The following TRIM7 variants were observed in gnomAD, a reference collection of about 807,000 sequenced individuals.
TRIM7 encodes the protein tripartite motif containing 7.
Under a neutral mutation model 37.9 loss-of-function variants are expected in TRIM7, and 32 were observed. That is an observed-to-expected ratio of 0.84 (90% CI 0.64 to 1.13). TRIM7 has a LOEUF of 1.13. Among genes scored for constraint, TRIM7 ranks in the 50% most tolerant of loss-of-function variants. The probability of loss-of-function intolerance (pLI) is 0.00; values close to 1 mark genes in which losing one functional copy is unlikely to be tolerated. For missense variants in TRIM7, 732 were observed against 714.0 expected (o/e 1.03, Z -0.29); for synonymous variants, 351 against 321.3 (o/e 1.09, Z -0.99).
Position 181,203,563 on chromosome 5 carries a change from C to T in TRIM7, c.600G>A (p.Lys200=), listed in dbSNP as rs371888980. 131 of 1,614,078 alleles carry T rather than the reference C, an allele frequency of 8.1e-5. No individual in the cohort carries two copies. The highest frequency in any genetic ancestry group is 1.5e-4 in the Admixed American group (9 of 60,010). The change falls in exon 2 of 7, where the codon AAG becomes AAA. Residue 200 remains lysine (K), a synonymous_variant. Transcript: ENST00000274773. ...GGCTCACCAGCAGCTCCTTGCTCTC[C>T]TTCTTTTCCGTGGACCGGAACACCT... ...DCEVFRSTEK[K]ESKELLKQMA...
rs890176791 is a variant in TRIM7 at position 181,199,872 on chromosome 5, C to G, written c.828G>C (p.Lys276Asn). ...TTACCTGGAGAAAGTCAAGGTCAGG[C>G]TTTTGAGCTGTCTCCTGGATCTGGC... is the stretch of plus-strand genomic sequence containing the variant. The part of the protein sequence containing the change: ...LSSQIQETAQ[K>N]PDLDFLQEFK... Residue 276 changes from lysine (K) to asparagine (N), a missense_variant, in exon 3 of 7, where the codon AAG (lysine) becomes AAC (asparagine). Transcript: ENST00000274773. The G allele has an allele frequency of 1.2e-6, 2 of 1,614,040 alleles. No individual in the cohort carries two copies. Among genetic ancestry groups the G allele is most frequent in the African/African-American group, 2.7e-5 (2 of 75,042 alleles).
intron 1 of TRIM7, 165 bp from the exon 2 acceptor site, chr5:181,203,805 C>G: frequency 7.3e-7 from 1 of 1,378,084 alleles, no homozygotes; most frequent in South Asian, 1.8e-5. Context: ...CGAGGTGACT[C>G]TGAAGGTCTC....
At chr5:181,199,505 A>G (rs384549) in intron 3 of TRIM7, 170,621 of 461,124 alleles carry the variant, frequency 0.37, 39,141 homozygotes, top group African/African-American at 0.84. Context: ...TAACCCATCT[A>G]TGGATTGTGA....
chr5:181,200,618 T>TCG, intron 2 of TRIM7: 1 of 1,004,998 alleles, frequency 1.0e-6, no homozygotes, highest in Non-Finnish European at 1.2e-6. Flanking sequence ...AAAAGTCCGA[T>TCG]GCCAGTGACC....
Position 181,199,801 on chromosome 5 carries a change from C to T in TRIM7, c.849+50G>A, listed in dbSNP as rs748983180. 3.9e-6 allele frequency: 6 copies of T among 1,557,204 alleles called. No homozygotes were observed. The African/African-American group carries it at 5.4e-5, about 14-fold the overall frequency. On this transcript the variant is annotated intron_variant, in intron 3 of 6. Coordinates refer to ENST00000274773, the MANE Select transcript of TRIM7 (RefSeq NM_203293.3). Reference sequence around the variant, plus strand: ...CTGACACTGTTCTCTAGCTGCTGGTCCTGATGCCTTAGGATAAATGACTCG... The same window carrying T: ...CTGACACTGTTCTCTAGCTGCTGGTTCTGATGCCTTAGGATAAATGACTCG...
Position 181,204,708 on chromosome 5 carries a change from C to A in TRIM7, c.403G>T (p.Glu135Ter). The A allele has an allele frequency of 2.0e-6, 3 of 1,491,600 alleles. No individual in the cohort carries two copies. Among genetic ancestry groups the A allele is most frequent in the Non-Finnish European group, 2.7e-6 (3 of 1,130,526 alleles). The allele number at this position is 1,491,600 out of a possible 1,614,324, so 92.4% of individuals were successfully genotyped here. The change falls in exon 1 of 7, where the codon GAA becomes TAA. Residue 135 changes from glutamate (E) to a stop codon, truncating the protein, a stop_gained. Transcript: ENST00000274773. LOFTEE classifies it high-confidence loss of function. ...TCCTGGCAGTAGAGCTTGAAGGGTT[C>A]GCCATGCTGCCCGCAGCGGGCAGCC... The part of the protein sequence containing the change: ...AAAARCGQHG[E>*]PFKLYCQDDG...
chr5:181,199,287 G>A, intron 3 of TRIM7, 170 bp from the exon 4 acceptor site: 1 of 711,570 alleles, frequency 1.4e-6, no homozygotes, highest in Non-Finnish European at 2.5e-6. Context: ...GCTGCTGGCT[G>A]CAGGGTGTCT....
rs775159405 is a variant in TRIM7, at chr5:181,204,655, G to A, written c.456C>T (p.Cys152=). The A allele has an allele frequency of 7.2e-5, 109 of 1,504,190 alleles. 1 individual carries two copies. The South Asian group carries it at 1.2e-3, about 17-fold the overall frequency. 93.2% of individuals were successfully genotyped at this position (1,504,190 alleles called of 1,614,324 possible). A position where few individuals can be genotyped will look rare whatever the true frequency, so the allele number is the denominator to read the frequency against. ...QDDGRAICVV[C]DRAREHREHA... ...GCTCGCGGTGCTCGCGGGCGCGGTC[G>A]CACACCACGCAGATGGCGCGTCCGT... Residue 152 remains cysteine, a synonymous_variant, in exon 1 of 7, where the codon TGC becomes TGT. Transcript: ENST00000274773.
intron 3 of TRIM7, 81 bp from the exon 4 acceptor site, chr5:181,199,198 G>A: frequency 6.5e-7 from 1 of 1,532,836 alleles, no homozygotes; most frequent in Non-Finnish European, 9.0e-7. Flanking sequence ...GCCCCTTGCT[G>A]TGCCTCCCAG....
Position 181,204,729 on chromosome 5 carries a change from C to A in TRIM7, c.382G>T (p.Ala128Ser). ...SQAAAARAAA[A>S]RCGQHGEPFK... is the part of the protein sequence containing the mutation. ...GGTTCGCCATGCTGCCCGCAGCGGG[C>A]AGCCGCTGCCCGGGCCGCGGCCGCC... Residue 128 changes from alanine to serine, a missense_variant, in exon 1 of 7, where the codon GCC becomes TCC. Physicochemically the swap from Ala to Ser is moderately conservative, Grantham distance 99. Coordinates refer to ENST00000274773, the MANE Select transcript of TRIM7 (RefSeq NM_203293.3). The A allele has an allele frequency of 6.8e-7, 1 of 1,471,886 alleles. No homozygotes were observed. The highest frequency in any genetic ancestry group is 1.3e-5 in the South Asian group (1 of 77,088). The allele number at this position is 1,471,886 out of a possible 1,614,324, so 91.2% of individuals were successfully genotyped here.
At chr5:181,200,659 G>C (rs912123479) in intron 2 of TRIM7, 2 of 998,622 alleles carry the variant, frequency 2.0e-6, no homozygotes, top group African/African-American at 3.5e-5. Context: ...AAGGAACGAA[G>C]TGAGAATATG....
chr5:181,205,099 C>A lies in TRIM7; in HGVS notation c.12G>T (p.Val4=). 2.3e-6 allele frequency: 3 copies of A among 1,331,392 alleles called. No individual in the cohort carries two copies. The highest frequency in any genetic ancestry group is 3.1e-5 in the East Asian group (1 of 32,098). 82.5% of individuals were successfully genotyped at this position (1,331,392 alleles called of 1,614,324 possible). MAA[V]GPRTGPGTGA... ...CGGTTCCGGGGCCGGTCCGCGGTCC[C>A]ACAGCCGCCATGCGCGCTCTCCGCG... The change falls in exon 1 of 7, where the codon GTG becomes GTT. Residue 4 remains valine (V), a synonymous_variant. Coordinates refer to ENST00000274773, the MANE Select transcript of TRIM7 (RefSeq NM_203293.3).
chr5:181,197,940 A>C, intron 6 of TRIM7: 2 of 545,370 alleles, frequency 3.7e-6, no homozygotes, highest in East Asian at 6.3e-5. Flanking sequence ...CAGTCTGAGT[A>C]TCTCGAGGTA....
At chr5:181,195,811 G>A in intron 6 of TRIM7, 134 bp from the exon 7 acceptor site, 1 of 1,189,300 alleles carries the variant, frequency 8.4e-7, no homozygotes, top group South Asian at 2.0e-5. Context: ...CAGCGCCAAG[G>A]CCCAACCAAC....
At chr5:181,200,508 C>T in intron 2 of TRIM7, 1 of 1,068,112 alleles carries the variant, frequency 9.4e-7, no homozygotes, top group African/African-American at 1.7e-5. Context: ...TTACACTTCA[C>T]TTTCTTTTTA....
chr5:181,200,462 T>C, intron 2 of TRIM7: 7 of 1,174,702 alleles, frequency 6.0e-6, no homozygotes, highest in Non-Finnish European at 7.4e-6. Context: ...TTGCTTTTTC[T>C]TCCTCAAGCA....
In TRIM7 at chr5:181,195,652, C is replaced by A. The variant is rs768116491; in HGVS notation, c.1050G>T (p.Thr350=). The change falls in exon 7 of 7, where the codon ACG becomes ACT. Residue 350 remains threonine, a synonymous_variant. Transcript: ENST00000274773. ...GAGAGAGGATGAGGCGCGGGTTGGC[C>A]GTGTCGGGATCCAAGGTGAGCTCCA... is the stretch of plus-strand genomic sequence containing the variant. ...EKVELTLDPD[T]ANPRLILSLD... 20 of 1,528,092 alleles carry A rather than the reference C, an allele frequency of 1.3e-5. No homozygotes were observed. In the South Asian group the frequency reaches 2.1e-4, roughly 16 times the overall value. 94.7% of individuals were successfully genotyped at this position (1,528,092 alleles called of 1,614,324 possible). A position where few individuals can be genotyped will look rare whatever the true frequency, so the allele number is the denominator to read the frequency against.
intron 1 of TRIM7, chr5:181,203,861 A>C: frequency 7.7e-7 from 1 of 1,300,806 alleles, no homozygotes. Context: ...GCCAGACTGA[A>C]ACACAAGCTC....
chr5:181,196,057 T>C (rs1000769245), intron 6 of TRIM7: 5 of 202,726 alleles, frequency 2.5e-5, no homozygotes, highest in East Asian at 1.1e-4. Flanking sequence ...GAGGTATTTA[T>C]GGCAATGATA....
Sources: gnomAD v4.1 joint callset for allele counts on GRCh38, gnomAD v4.1.1 for gene constraint, MANE v1.5 for transcripts, NCBI Gene and HGNC (gene_info 2026-07-23, HGNC 2026-07-21) for gene names.